PEX5L: variants seen among roughly 807,000 people sequenced by gnomAD.
The protein encoded by PEX5L is peroxisomal biogenesis factor 5 like.
In PEX5L, 30 loss-of-function variants were observed where a neutral mutation model predicts 84.0. The observed-to-expected ratio is 0.36, with a 90% CI of 0.27 to 0.48. The LOEUF (loss-of-function observed/expected upper bound fraction) is 0.48. Ranked by LOEUF, PEX5L falls within the 20% of genes least tolerant of loss-of-function variation. The pLI is 0.99. For synonymous variants in PEX5L, 270 were observed against 283.1 expected (o/e 0.95, Z 0.46); for missense variants, 533 against 754.6 (o/e 0.71, Z 3.44).
intron 8 of PEX5L, among the ~76,000 whole-genome samples, chr3:179,823,469 G>A (rs976829747): frequency 3.3e-5 from 5 of 152,236 alleles, no homozygotes; most frequent in South Asian, 2.1e-4. Context: ...AGAGAAAGGC[G>A]CTGTATAACT....
intron 2 of PEX5L, chr3:179,900,672 A>G: frequency 6.5e-7 from 1 of 1,534,270 alleles, no homozygotes; most frequent in Non-Finnish European, 8.7e-7. Flanking sequence ...AAACCCACCA[A>G]AGCCAGGGTC....
At chr3:179,836,678 T>C (rs1037716257) in intron 8 of PEX5L, among the ~76,000 whole-genome samples, 29 of 152,200 alleles carry the variant, frequency 1.9e-4, no homozygotes, top group African/African-American at 6.8e-4. Flanking sequence ...TGCTTATTCA[T>C]GAATCACAAA....
chr3:180,004,148 T>C (rs1561050211), intron 1 of PEX5L, among the ~76,000 whole-genome samples: 1 of 152,128 alleles, frequency 6.6e-6, no homozygotes, highest in African/African-American at 2.4e-5. Flanking sequence ...TTGAACTGAC[T>C]AAAAAAACCC....
chr3:179,956,919 C>A (rs1780722417), intron 2 of PEX5L, among the ~76,000 whole-genome samples: 1 of 152,080 alleles, frequency 6.6e-6, no homozygotes. Flanking sequence ...TTTGCAATCC[C>A]TTCTTTTCCT....
chr3:179,814,428 G>T (rs1482818425), intron 10 of PEX5L, among the ~76,000 whole-genome samples: 6 of 152,154 alleles, frequency 3.9e-5, no homozygotes, highest in Admixed American at 2.0e-4. Flanking sequence ...ATTTGCCCCA[G>T]GTCCCATGGC....
chr3:180,005,822 C>G (rs561551235), intron 1 of PEX5L, among the ~76,000 whole-genome samples: 1 of 152,330 alleles, frequency 6.6e-6, no homozygotes, highest in African/African-American at 2.4e-5. Context: ...CTTGGCCTCT[C>G]AAACTGTTGA....
At chr3:179,901,264 A>G (rs1208000336) in intron 2 of PEX5L, among the ~76,000 whole-genome samples, 2 of 148,808 alleles carry the variant, frequency 1.3e-5, no homozygotes, top group Admixed American at 6.7e-5. Flanking sequence ...TATATATGTA[A>G]TTGTTCAGAC....
At chr3:179,817,232 G>C (rs1056670070) in intron 9 of PEX5L, among the ~76,000 whole-genome samples, 4 of 152,138 alleles carry the variant, frequency 2.6e-5, no homozygotes, top group Non-Finnish European at 5.9e-5. Context: ...AAAATTTAAA[G>C]AATACAGGAT....
chr3:179,841,087 C>T (rs2109356920), intron 8 of PEX5L, among the ~76,000 whole-genome samples: 1 of 152,164 alleles, frequency 6.6e-6, no homozygotes, highest in South Asian at 2.1e-4. Context: ...GAACGCATCG[C>T]CAGTGAGGTG....
At chr3:179,948,957 T>C (rs1778351818) in intron 2 of PEX5L, among the ~76,000 whole-genome samples, 1 of 152,244 alleles carries the variant, frequency 6.6e-6, no homozygotes. Flanking sequence ...ACTTTAATAA[T>C]ATTTAGTTAA....
At chr3:179,957,022 G>C (rs1015922234) in intron 2 of PEX5L, among the ~76,000 whole-genome samples, 1 of 151,994 alleles carries the variant, frequency 6.6e-6, no homozygotes. Flanking sequence ...ATTGCCTAAG[G>C]ATCACCTTGA....
At chr3:179,851,347 T>G (rs1433505326) in intron 8 of PEX5L, among the ~76,000 whole-genome samples, 1 of 152,148 alleles carries the variant, frequency 6.6e-6, no homozygotes, top group Non-Finnish European at 1.5e-5. Flanking sequence ...CCTTACATGT[T>G]TGTAGGACAA....
At chr3:179,869,409 T>C (rs1400280560) in intron 7 of PEX5L, among the ~76,000 whole-genome samples, 1 of 152,254 alleles carries the variant, frequency 6.6e-6, no homozygotes, top group Non-Finnish European at 1.5e-5. Flanking sequence ...CTCCAGGGAA[T>C]ATTAGTTACA....
At chr3:179,995,100 T>C (rs919670214) in intron 1 of PEX5L, among the ~76,000 whole-genome samples, 16 of 147,840 alleles carry the variant, frequency 1.1e-4, no homozygotes, top group Admixed American at 5.4e-4. Flanking sequence ...AGTATATATA[T>C]ACACACACTA....
At chr3:180,026,133 C>CTTTTTT (rs368852075) in intron 1 of PEX5L, among the ~76,000 whole-genome samples, 16 of 101,748 alleles carry the variant, frequency 1.6e-4, no homozygotes, top group East Asian at 2.8e-4. Context: ...TTTCAGCATT[C>CTTTTTT]TTTTTTTTTT....
intron 1 of PEX5L, among the ~76,000 whole-genome samples, chr3:180,010,055 T>C (rs1402377501): frequency 6.6e-6 from 1 of 152,118 alleles, no homozygotes; most frequent in Non-Finnish European, 1.5e-5. Flanking sequence ...GCCATTCTCC[T>C]GCCTCAGCCT....
intron 1 of PEX5L, among the ~76,000 whole-genome samples, chr3:180,028,066 A>G (rs569467933): frequency 1.6e-4 from 24 of 152,304 alleles, no homozygotes; most frequent in Admixed American, 1.6e-3. Flanking sequence ...CAATTTAGCC[A>G]TTGAAAAGTT....
rs35662193 is a variant in PEX5L at position 179,810,002 on chromosome 3, C to CTTTT, written c.1155-338_1155-335dup. 1.1e-3 allele frequency among the ~76,000 whole-genome samples: 48 copies of CTTTT among 45,306 alleles called. 4 individuals carry two copies. Among genetic ancestry groups the CTTTT allele is most frequent in the Admixed American group, 2.7e-3 (7 of 2,620 alleles). The allele number at this position is 45,306 out of a possible 152,430, so 29.7% of individuals were successfully genotyped here. A position where few individuals can be genotyped will look rare whatever the true frequency, so the allele number is the denominator to read the frequency against. On this transcript the variant is annotated intron_variant, in intron 11 of 14. Coordinates refer to ENST00000467460, the MANE Select transcript of PEX5L (RefSeq NM_016559.3). ...AGGGGATATCATTATTTTAATGCTG[C>CTTTT]TTTTTTTTTTTTTTTTTTTTTTTTT...
At chr3:179,949,526 A>G (rs1560868488) in intron 2 of PEX5L, among the ~76,000 whole-genome samples, 1 of 152,202 alleles carries the variant, frequency 6.6e-6, no homozygotes, top group Non-Finnish European at 1.5e-5. Flanking sequence ...CCCATTAAGT[A>G]TTACTTTATA....
Sources: allele counts gnomAD v4.1 joint callset (sites outside exome capture counted in the v4.1 genomes callset), GRCh38; gene constraint gnomAD v4.1.1; transcripts MANE v1.5; gene names NCBI Gene and HGNC (gene_info 2026-07-23, HGNC 2026-07-21).